The following AMOTL1 variants were observed in gnomAD, a reference collection of about 807,000 sequenced individuals.
AMOTL1 encodes the protein angiomotin-like protein 1.
A neutral mutation model predicts 102.9 loss-of-function variants in AMOTL1; 45 were observed. That is an observed-to-expected ratio of 0.44 (90% confidence interval 0.34 to 0.56). The LOEUF (loss-of-function observed/expected upper bound fraction) is 0.56. Ranked by LOEUF, AMOTL1 falls within the 20% of genes least tolerant of loss-of-function variation. The probability of loss-of-function intolerance (pLI) is 0.01; values close to 1 mark genes in which losing one functional copy is unlikely to be tolerated. For missense variants in AMOTL1, 1,114 were observed against 1,225.6 expected, an observed-to-expected ratio of 0.91 and a Z score of 1.36; for synonymous variants, 481 against 484.7, an observed-to-expected ratio of 0.99 and a Z score of 0.10.
intron 2 of AMOTL1, among the ~76,000 whole-genome samples, chr11:94,739,174 A>G (rs554001035): frequency 5.3e-5 from 8 of 152,172 alleles, no homozygotes; most frequent in Non-Finnish European, 1.0e-4. Flanking sequence ...AGAGCACAAC[A>G]CTGAAAGAAA....
chr11:94,780,601 G>A (rs1440285164), intron 1 of AMOTL1, among the ~76,000 whole-genome samples: 1 of 152,190 alleles, frequency 6.6e-6, no homozygotes, highest in East Asian at 1.9e-4. Flanking sequence ...TCTCTTGAAA[G>A]TGAACTTTAC....
At position 94,799,468 on chromosome 11, in the gene AMOTL1, C is replaced by T. The variant is rs773678862; in HGVS notation, c.278C>T (p.Ala93Val). The part of the protein sequence containing the change: ...SEVEMRGSED[A>V]AAGTVLQRLI... ...GTGGAAATGAGAGGTTCCGAGGATGCGGCAGCTGGAACAGTATTGCAGCGG... is the reference window on the plus strand; with the variant it reads ...GTGGAAATGAGAGGTTCCGAGGATGTGGCAGCTGGAACAGTATTGCAGCGG... The change falls in exon 3 of 13, where the codon GCG becomes GTG. Residue 93 changes from alanine (A) to valine (V), a missense_variant. Coordinates refer to ENST00000433060, the MANE Select transcript of AMOTL1 (RefSeq NM_130847.3). The surrounding 1 kb of genome is among the most constrained non-coding windows in gnomAD (Gnocchi z 4.5). 1.7e-5 allele frequency: 28 copies of T among 1,609,070 alleles called. No homozygotes were observed. The highest frequency in any genetic ancestry group is 6.7e-5 in the South Asian group (6 of 90,026).
intron 3 of AMOTL1, among the ~76,000 whole-genome samples, chr11:94,742,313 G>A (rs1950538802): frequency 6.6e-6 from 1 of 152,230 alleles, no homozygotes; most frequent in Non-Finnish European, 1.5e-5. Context: ...CTCCACGCAT[G>A]TATAATTGTA....
chr11:94,827,867 AGGCTCCTAC>A (rs1484427277), intron 4 of AMOTL1, among the ~76,000 whole-genome samples: 1 of 152,088 alleles, frequency 6.6e-6, no homozygotes, highest in Non-Finnish European at 1.5e-5. Flanking sequence ...TTTGGCTTCT[AGGCTCCTAC>A]GGCTCCACTG....
In AMOTL1 at chr11:94,871,203, A is replaced by G. The variant is rs1952989657; in HGVS notation, c.*408A>G. ...TGCCTCTTAGCATGTTTGATTTAAG[A>G]AAAGCCTCCAGGAAATCTTGAGAGC... On this transcript the variant is annotated 3_prime_UTR_variant, in exon 13 of 13. Coordinates refer to ENST00000433060, the MANE Select transcript of AMOTL1 (RefSeq NM_130847.3). 1 of 154,914 alleles carries G rather than the reference A, an allele frequency of 6.5e-6. No individual in the cohort carries two copies. Among genetic ancestry groups the G allele is most frequent in the African/African-American group, 2.4e-5 (1 of 41,510 alleles). 9.6% of individuals were successfully genotyped at this position (154,914 alleles called of 1,614,324 possible).
At chr11:94,735,094 C>A (rs151271973) in intron 2 of AMOTL1, among the ~76,000 whole-genome samples, 1 of 152,210 alleles carries the variant, frequency 6.6e-6, no homozygotes, top group Admixed American at 6.5e-5. Context: ...AGCTATGTAA[C>A]CCCTGGGGGC....
exon 3 of AMOTL1, chr11:94,740,968 C>T: frequency 7.8e-7 from 1 of 1,289,008 alleles, no homozygotes. Flanking sequence ...TCGCCCGCAT[C>T]CTACAGCCCA....
At chr11:94,812,498 C>T (rs1277103259) in intron 3 of AMOTL1, among the ~76,000 whole-genome samples, 2 of 152,080 alleles carry the variant, frequency 1.3e-5, no homozygotes. Flanking sequence ...AACAGTAGGG[C>T]AGAGGAAGCA....
upstream of AMOTL1, among the ~76,000 whole-genome samples, chr11:94,763,395 G>C (rs777026532): frequency 6.6e-6 from 1 of 152,144 alleles, no homozygotes; most frequent in African/African-American, 2.4e-5. Context: ...TTCAGAGGAG[G>C]CATGTGCTGT....
At chr11:94,840,690 A>C (rs1952283581) in intron 6 of AMOTL1, among the ~76,000 whole-genome samples, 1 of 144,884 alleles carries the variant, frequency 6.9e-6, no homozygotes, top group Non-Finnish European at 1.5e-5. Context: ...ATACACACAC[A>C]CACACACACA....
At chr11:94,756,113 G>A (rs1193872920) in intron 3 of AMOTL1, among the ~76,000 whole-genome samples, 1 of 148,214 alleles carries the variant, frequency 6.7e-6, no homozygotes, top group Admixed American at 6.8e-5. Flanking sequence ...ACCAAATTCC[G>A]CTGTCGATGG....
chr11:94,800,080 C>T lies in AMOTL1; in HGVS notation c.890C>T (p.Ala297Val), dbSNP rs1383596213. ...GFKVGGGPSP[A>V]QPAGKVLDPR... ...AAAGTAGGAGGGGGGCCCTCCCCTG[C>T]CCAGCCTGCAGGTAAAGTGCTGGAC... Residue 297 changes from alanine (A) to valine (V), a missense_variant, in exon 3 of 13, where the codon GCC (alanine) becomes GTC (valine). Coordinates refer to ENST00000433060, the MANE Select transcript of AMOTL1 (RefSeq NM_130847.3). 1.2e-6 allele frequency: 2 copies of T among 1,613,882 alleles called. No individual in the cohort carries two copies. Among genetic ancestry groups the T allele is most frequent in the East Asian group, 2.2e-5 (1 of 44,884 alleles).
intron 3 of AMOTL1, among the ~76,000 whole-genome samples, chr11:94,819,692 A>ACGTTAGGTAC: frequency 6.6e-6 from 1 of 152,222 alleles, no homozygotes; most frequent in Non-Finnish European, 1.5e-5. Context: ...CGTGTATGTA[A>ACGTTAGGTAC]CCAAGCTGTA....
At chr11:94,818,736 T>C (rs1010495503) in intron 3 of AMOTL1, among the ~76,000 whole-genome samples, 1 of 152,216 alleles carries the variant, frequency 6.6e-6, no homozygotes, top group Non-Finnish European at 1.5e-5. Context: ...TGGCTACACG[T>C]CTCCAAAGTA....
intron 1 of AMOTL1, among the ~76,000 whole-genome samples, chr11:94,775,798 C>T (rs1392956870): frequency 1.3e-5 from 2 of 152,172 alleles, no homozygotes; most frequent in Non-Finnish European, 2.9e-5. Flanking sequence ...ATGAAATGTA[C>T]CACATCTCCC....
chr11:94,720,670 T>A (rs1950162023), intron 1 of AMOTL1, among the ~76,000 whole-genome samples: 1 of 152,118 alleles, frequency 6.6e-6, no homozygotes, highest in South Asian at 2.1e-4. Flanking sequence ...CTTCTCCCTA[T>A]CTGCTGATTC....
chr11:94,768,369 C>G lies in AMOTL1; in HGVS notation c.-143C>G. ...GACGGCGGCGGGAGCGCGCGAGAAGCTCTAGGACCCAGCAGCGGTTGTCGG... is the reference window on the plus strand; with the variant it reads ...GACGGCGGCGGGAGCGCGCGAGAAGGTCTAGGACCCAGCAGCGGTTGTCGG... On this transcript the variant is annotated 5_prime_UTR_variant, in exon 1 of 13. Transcript: ENST00000433060. 1.4e-6 allele frequency: 2 copies of G among 1,479,446 alleles called. No homozygotes were observed. Among genetic ancestry groups the G allele is most frequent in the South Asian group, 1.3e-5 (1 of 74,784 alleles). The allele number at this position is 1,479,446 out of a possible 1,614,324, so 91.6% of individuals were successfully genotyped here.
chr11:94,790,002 G>A (rs1042178940), intron 1 of AMOTL1, among the ~76,000 whole-genome samples: 1 of 152,192 alleles, frequency 6.6e-6, no homozygotes, highest in Non-Finnish European at 1.5e-5. Context: ...GGAATGGGTC[G>A]CTGGCCTGTA....
intron 1 of AMOTL1, among the ~76,000 whole-genome samples, chr11:94,714,281 A>G (rs1414732493): frequency 6.6e-6 from 1 of 152,054 alleles, no homozygotes; most frequent in Non-Finnish European, 1.5e-5. Flanking sequence ...GCTGGATTCA[A>G]TTTAATGAAA....
Sources: gnomAD v4.1 joint callset for allele counts (sites outside exome capture counted in the v4.1 genomes callset) on GRCh38, gnomAD v4.1.1 for gene constraint, Gnocchi (gnomAD v3.1) non-coding constraint, MANE v1.5 for transcripts, NCBI Gene and HGNC (gene_info 2026-07-23, HGNC 2026-07-21) for gene names.